ABCC1: variants seen among roughly 807,000 people sequenced by gnomAD.
ABCC1 encodes the protein multidrug resistance-associated protein 1.
Under a neutral mutation model 172.9 loss-of-function variants are expected in ABCC1, and 83 were observed. The ratio of observed to expected loss-of-function variants is 0.48; its 90% CI spans 0.40 to 0.58. The LOEUF is 0.58. Among genes scored for constraint, ABCC1 ranks in the 20% least tolerant of loss-of-function variants. The pLI is 0.00. For missense variants in ABCC1, 1,817 were observed against 2,002.7 expected, an observed-to-expected ratio of 0.91 and a Z score of 1.77; for synonymous variants, 937 against 825.2, an observed-to-expected ratio of 1.14 and a Z score of -2.32.
At chr16:16,085,786 CAAA>C (rs1310241880) in intron 17 of ABCC1, among the ~76,000 whole-genome samples, 2 of 152,170 alleles carry the variant, frequency 1.3e-5, no homozygotes, top group Admixed American at 6.5e-5. Context: ...TCTCCAAAAA[CAAA>C]AAGAAGGCAC....
At chr16:16,007,760 G>A in intron 1 of ABCC1, 56 bp from the exon 2 acceptor site, 1 of 1,512,016 alleles carries the variant, frequency 6.6e-7, no homozygotes, top group Admixed American at 2.1e-5. Flanking sequence ...CTCCAGGCGA[G>A]CTCCTGTCCT....
chr16:16,046,360 T>C (rs993928945), intron 9 of ABCC1, among the ~76,000 whole-genome samples: 2 of 152,086 alleles, frequency 1.3e-5, no homozygotes, highest in Non-Finnish European at 1.5e-5. Context: ...TTTTCGTTTT[T>C]TTGAGACCAG....
At chr16:16,138,714 C>CTTTT (rs397973927) in intron 30 of ABCC1, among the ~76,000 whole-genome samples, 156 bp downstream of exon 30, 8 of 129,664 alleles carry the variant, frequency 6.2e-5, no homozygotes, top group African/African-American at 1.8e-4. Context: ...CCAGCTATTT[C>CTTTT]TTTTTTTTTT....
rs148234723 is a variant in ABCC1, at chr16:16,032,208, C to G, written c.616-901C>G. On this transcript the variant is annotated intron_variant, in intron 5 of 30. Coordinates refer to ENST00000399410, the MANE Select transcript of ABCC1 (RefSeq NM_004996.4). ...GTTTCACCATGTTGGCTAGGATGGTCTCGATCTCTTGACCTCATGATCTGC... is the reference window on the plus strand; with the variant it reads ...GTTTCACCATGTTGGCTAGGATGGTGTCGATCTCTTGACCTCATGATCTGC... 3.3e-3 allele frequency among the ~76,000 whole-genome samples: 496 copies of G among 152,242 alleles called. 5 individuals are homozygous for G. The highest frequency in any genetic ancestry group is 0.011 in the African/African-American group (473 of 41,544).
chr16:16,115,491 G>A (rs957508277), intron 23 of ABCC1, among the ~76,000 whole-genome samples: 1 of 151,848 alleles, frequency 6.6e-6, no homozygotes, highest in African/African-American at 2.4e-5. Context: ...GTTAACAGGT[G>A]CGCACCACCA....
intron 1 of ABCC1, among the ~76,000 whole-genome samples, chr16:15,955,583 CT>C (rs988349177): frequency 1.5e-4 from 23 of 152,300 alleles, no homozygotes; most frequent in African/African-American, 5.1e-4. Flanking sequence ...TCCAGCCACA[CT>C]TGTGGCCAGG....
At chr16:15,982,145 C>T (rs1303465906) in intron 1 of ABCC1, among the ~76,000 whole-genome samples, 3 of 152,178 alleles carry the variant, frequency 2.0e-5, no homozygotes, top group African/African-American at 7.2e-5. Context: ...TCTTGCTATA[C>T]TCTTCTGAGC....
intron 12 of ABCC1, among the ~76,000 whole-genome samples, chr16:16,060,724 G>A (rs1483083680): frequency 6.6e-6 from 1 of 152,014 alleles, no homozygotes. Flanking sequence ...TTTTTGTCAT[G>A]TTCGCCAGGC....
Position 16,125,536 on chromosome 16 carries a change from C to T in ABCC1, c.3718-274C>T, listed in dbSNP as rs551569462. Among the ~76,000 whole-genome samples the T allele has an allele frequency of 5.9e-5, 9 of 152,100 alleles. No individual in the cohort carries two copies. The South Asian group carries it at 1.9e-3, about 32-fold the overall frequency. Reference sequence around the variant, plus strand: ...CTCTGCCTCCTGGGTTCAAGTGATTCTTCTGCCTCAGCCTCCCAAATAGCT... The same window carrying T: ...CTCTGCCTCCTGGGTTCAAGTGATTTTTCTGCCTCAGCCTCCCAAATAGCT... On this transcript the variant is annotated intron_variant, in intron 25 of 30. Transcript: ENST00000399410.
chr16:15,978,884 G>A (rs2046553625), intron 1 of ABCC1, among the ~76,000 whole-genome samples: 1 of 152,150 alleles, frequency 6.6e-6, no homozygotes, highest in East Asian at 1.9e-4. Context: ...AACATCCTGT[G>A]ATACACGGGA....
intron 5 of ABCC1, among the ~76,000 whole-genome samples, chr16:16,031,544 G>A (rs1012098479): frequency 8.5e-5 from 13 of 152,146 alleles, no homozygotes; most frequent in African/African-American, 3.1e-4. Flanking sequence ...TATGTGGCCT[G>A]CAGTGTAGAC....
chr16:16,068,812 C>T (rs958577796), intron 13 of ABCC1, among the ~76,000 whole-genome samples: 1 of 151,808 alleles, frequency 6.6e-6, no homozygotes, highest in African/African-American at 2.4e-5. Flanking sequence ...CATAGTGCAA[C>T]CTCATCTCTA....
intron 7 of ABCC1, among the ~76,000 whole-genome samples, chr16:16,040,269 T>G (rs1421178377): frequency 2.0e-5 from 3 of 151,882 alleles, no homozygotes; most frequent in Non-Finnish European, 2.9e-5. Context: ...GCTGATGAAT[T>G]AATTAATTAA....
intron 5 of ABCC1, among the ~76,000 whole-genome samples, chr16:16,031,586 C>G (rs1270667911): frequency 6.6e-6 from 1 of 152,138 alleles, no homozygotes; most frequent in Non-Finnish European, 1.5e-5. Context: ...ACTACTCAGG[C>G]CCCTTCTTGG....
intron 19 of ABCC1, among the ~76,000 whole-genome samples, chr16:16,092,346 C>T (rs1053267223): frequency 1.3e-5 from 2 of 152,150 alleles, no homozygotes; most frequent in African/African-American, 4.8e-5. Context: ...TTTTTAATCA[C>T]CCCCAAAAGA....
intron 13 of ABCC1, among the ~76,000 whole-genome samples, chr16:16,071,009 C>G (rs1203678479): frequency 2.0e-5 from 3 of 152,180 alleles, no homozygotes; most frequent in African/African-American, 7.2e-5. Flanking sequence ...TGAATTGGCT[C>G]TGTTGCATTT....
intron 1 of ABCC1, among the ~76,000 whole-genome samples, chr16:16,007,243 T>TGA (rs1555480464): frequency 1.1e-4 from 17 of 151,190 alleles, no homozygotes; most frequent in South Asian, 4.2e-4. Flanking sequence ...TGTGTGTGTG[T>TGA]GAGAGACAGG....
chr16:16,016,149 G>GTTTTTTTTTTTTTT (rs71137903), intron 4 of ABCC1, among the ~76,000 whole-genome samples: 1 of 84,276 alleles, frequency 1.2e-5, no homozygotes, highest in Admixed American at 1.7e-4. Flanking sequence ...TGTGATCTTG[G>GTTTTTTTTTTTTTT]TTTTTTTTTT....
At chr16:16,034,163 G>A (rs953954943) in intron 6 of ABCC1, among the ~76,000 whole-genome samples, 21 of 151,086 alleles carry the variant, frequency 1.4e-4, no homozygotes, top group Admixed American at 9.3e-4. Flanking sequence ...GAGTAGCTGG[G>A]GCTACAGGCA....
Sources: allele counts gnomAD v4.1 joint callset (sites outside exome capture counted in the v4.1 genomes callset), GRCh38; gene constraint gnomAD v4.1.1; transcripts MANE v1.5; gene names NCBI Gene and HGNC (gene_info 2026-07-23, HGNC 2026-07-21).